Variants in SUPT3H observed in about 807,000 individuals in gnomAD.
SUPT3H encodes transcription initiation protein SPT3 homolog.
A neutral mutation model predicts 44.3 loss-of-function variants in SUPT3H; 44 were observed. That is an observed-to-expected ratio of 0.99 (90% confidence interval 0.78 to 1.28). The LOEUF (loss-of-function observed/expected upper bound fraction) is 1.28. SUPT3H is among the 50% of genes most tolerant of loss of function. The pLI, the probability that SUPT3H is intolerant of heterozygous loss-of-function variation, is 0.00. For synonymous variants in SUPT3H, 124 were observed against 125.6 expected (o/e 0.99, Z 0.09); for missense variants, 380 against 387.1 (o/e 0.98, Z 0.15).
intron 10 of SUPT3H, among the ~76,000 whole-genome samples, chr6:44,858,034 A>G (rs1388525153): frequency 6.6e-6 from 1 of 152,126 alleles, no homozygotes; most frequent in Non-Finnish European, 1.5e-5. Context: ...CTTAGCTGAC[A>G]TTCCCTGCAG....
At chr6:44,956,694 C>A (rs565193237) in intron 7 of SUPT3H, among the ~76,000 whole-genome samples, 4 of 152,134 alleles carry the variant, frequency 2.6e-5, no homozygotes, top group Admixed American at 1.3e-4. Context: ...CCTATTAAAC[C>A]ATCACCTGGC....
chr6:45,194,948 C>T (rs1338836482), intron 2 of SUPT3H, among the ~76,000 whole-genome samples: 1 of 152,078 alleles, frequency 6.6e-6, no homozygotes, highest in African/African-American at 2.4e-5. Flanking sequence ...AACTAAAATG[C>T]TTTAACTACT....
chr6:45,006,197 G>C (rs150838034), intron 5 of SUPT3H, among the ~76,000 whole-genome samples: 1 of 151,722 alleles, frequency 6.6e-6, no homozygotes, highest in African/African-American at 2.4e-5. Flanking sequence ...TTTGTTCATC[G>C]CATTATTTAT....
chr6:45,323,892 G>T (rs1474475339), intron 2 of SUPT3H, among the ~76,000 whole-genome samples: 1 of 152,014 alleles, frequency 6.6e-6, no homozygotes, highest in Non-Finnish European at 1.5e-5. Flanking sequence ...AAGTACAAAG[G>T]TTCTAAAAAG....
At chr6:44,868,554 A>G (rs569654960) in intron 10 of SUPT3H, among the ~76,000 whole-genome samples, 1 of 131,488 alleles carries the variant, frequency 7.6e-6, no homozygotes, top group East Asian at 2.2e-4. Flanking sequence ...TTGTCATGCT[A>G]TGGACTCTGT....
intron 6 of SUPT3H, among the ~76,000 whole-genome samples, chr6:44,978,316 A>G (rs1036093151): frequency 6.6e-6 from 1 of 152,224 alleles, no homozygotes; most frequent in Non-Finnish European, 1.5e-5. Flanking sequence ...ATGCAGGTCC[A>G]GATAAAGGAA....
intron 3 of SUPT3H, among the ~76,000 whole-genome samples, chr6:45,094,337 T>A (rs7756370): frequency 6.6e-6 from 1 of 151,868 alleles, no homozygotes; most frequent in Non-Finnish European, 1.5e-5. Context: ...AAACACAAAT[T>A]GAAAGGTGAG....
chr6:45,176,593 T>G (rs1194214900), intron 2 of SUPT3H, among the ~76,000 whole-genome samples: 1 of 152,170 alleles, frequency 6.6e-6, no homozygotes, highest in African/African-American at 2.4e-5. Context: ...GAGACCTGCC[T>G]GCCTCTGTAG....
intron 2 of SUPT3H, among the ~76,000 whole-genome samples, chr6:45,319,082 A>T (rs1299403600): frequency 6.6e-6 from 1 of 152,230 alleles, no homozygotes; most frequent in Admixed American, 6.5e-5. Flanking sequence ...ACTGAGGCAG[A>T]CAGGGCAATC....
chr6:45,067,847 A>G (rs1471581040), intron 3 of SUPT3H, among the ~76,000 whole-genome samples: 1 of 145,764 alleles, frequency 6.9e-6, no homozygotes, highest in Non-Finnish European at 1.5e-5. Context: ...AAATAGGAAC[A>G]CTTTTACACT....
chr6:45,221,870 T>C (rs907320387), intron 2 of SUPT3H, among the ~76,000 whole-genome samples: 1 of 152,142 alleles, frequency 6.6e-6, no homozygotes, highest in South Asian at 2.1e-4. Flanking sequence ...CTCTACTTAA[T>C]ATTAAAGTCT....
chr6:45,014,319 G>C (rs961631455), intron 5 of SUPT3H, among the ~76,000 whole-genome samples: 1 of 152,078 alleles, frequency 6.6e-6, no homozygotes, highest in Non-Finnish European at 1.5e-5. Flanking sequence ...GGTGTCTGAA[G>C]CATGGTGTTA....
At chr6:45,303,164 T>A (rs1782424792) in intron 2 of SUPT3H, among the ~76,000 whole-genome samples, 1 of 151,998 alleles carries the variant, frequency 6.6e-6, no homozygotes, top group African/African-American at 2.4e-5. Flanking sequence ...ACTATAAAAA[T>A]ACTCAAAGAT....
intron 10 of SUPT3H, among the ~76,000 whole-genome samples, chr6:44,904,133 C>T (rs532545803): frequency 1.3e-5 from 2 of 152,140 alleles, no homozygotes; most frequent in South Asian, 2.1e-4. Flanking sequence ...GACAGGGATG[C>T]CCTCTCTCAC....
chr6:44,969,666 C>T (rs1020450124), intron 6 of SUPT3H, among the ~76,000 whole-genome samples: 2 of 152,024 alleles, frequency 1.3e-5, no homozygotes, highest in Admixed American at 6.6e-5. Context: ...TTTAAGGGAC[C>T]GACTCAGAAT....
intron 9 of SUPT3H, among the ~76,000 whole-genome samples, chr6:44,935,124 T>A (rs1019392462): frequency 6.6e-6 from 1 of 152,200 alleles, no homozygotes; most frequent in African/African-American, 2.4e-5. Context: ...GATTTGCTCA[T>A]TGAGTTCTCC....
intron 2 of SUPT3H, among the ~76,000 whole-genome samples, chr6:45,213,095 T>A (rs1174417333): frequency 6.6e-6 from 1 of 152,182 alleles, no homozygotes. Context: ...ACAAAACAAC[T>A]GTGTTTGCCA....
intron 2 of SUPT3H, among the ~76,000 whole-genome samples, chr6:45,137,460 TAAATA>T (rs1804483174): frequency 6.6e-6 from 1 of 152,036 alleles, no homozygotes; most frequent in South Asian, 2.1e-4. Context: ...ACACCAGGTT[TAAATA>T]TACCATATGT....
rs1287265447 is a variant in SUPT3H, at chr6:45,094,944, CGT to C, written c.186+10976_186+10977del. The stretch of plus-strand genomic sequence containing the variant: ...AACTCTGTACGCATATGTGACCATA[CGT>C]GTGTGTTTTCCCCAAAGCAGGTGTG... On this transcript the variant is annotated intron_variant, in intron 3 of 10. Transcript: ENST00000371459. Among the ~76,000 whole-genome samples, 5 of 152,060 alleles carry C rather than the reference CGT, an allele frequency of 3.3e-5. No homozygotes were observed. The East Asian group carries it at 9.6e-4, about 29-fold the overall frequency.
Sources: allele counts gnomAD v4.1 joint callset (sites outside exome capture counted in the v4.1 genomes callset), GRCh38; gene constraint gnomAD v4.1.1; transcripts MANE v1.5; gene names NCBI Gene and HGNC (gene_info 2026-07-23, HGNC 2026-07-21).